Variants in LRRC4C observed in about 807,000 individuals in gnomAD.
The protein encoded by LRRC4C is leucine-rich repeat-containing protein 4C.
A neutral mutation model predicts 33.6 loss-of-function variants in LRRC4C; 5 were observed. The ratio of observed to expected loss-of-function variants is 0.15; its 90% CI spans 0.08 to 0.31. The LOEUF is 0.31. Among genes scored for constraint, LRRC4C ranks in the 10% least tolerant of loss-of-function variants. The pLI, the probability that LRRC4C is intolerant of heterozygous loss-of-function variation, is 1.00. For missense variants in LRRC4C, 560 were observed against 796.7 expected, an observed-to-expected ratio of 0.70 and a Z score of 3.58; for synonymous variants, 329 against 302.0, an observed-to-expected ratio of 1.09 and a Z score of -0.93.
intron 3 of LRRC4C, among the ~76,000 whole-genome samples, chr11:40,607,952 A>G (rs542659361): frequency 5.1e-4 from 77 of 152,226 alleles, no homozygotes; most frequent in South Asian, 5.0e-3. Flanking sequence ...TGGGGCACCA[A>G]AGAAGCAAGC....
At chr11:40,191,071 C>T (rs145523608) in intron 5 of LRRC4C, among the ~76,000 whole-genome samples, 165 of 152,158 alleles carry the variant, frequency 1.1e-3, no homozygotes, top group Non-Finnish European at 2.0e-3. Flanking sequence ...AGCATTATGC[C>T]GAGCACCTCG....
chr11:41,007,874 A>G (rs1040673770), intron 1 of LRRC4C, among the ~76,000 whole-genome samples: 4 of 152,096 alleles, frequency 2.6e-5, no homozygotes, highest in African/African-American at 9.7e-5. Flanking sequence ...CTGTCCGCCT[A>G]CTTCCCAAAG....
intron 1 of LRRC4C, among the ~76,000 whole-genome samples, chr11:41,044,143 A>G (rs1208580184): frequency 6.6e-6 from 1 of 152,112 alleles, no homozygotes; most frequent in Non-Finnish European, 1.5e-5. Context: ...GGAAAATCTG[A>G]GCTGAACATA....
intron 5 of LRRC4C, among the ~76,000 whole-genome samples, chr11:40,239,694 G>A (rs1296280984): frequency 6.6e-6 from 1 of 152,150 alleles, no homozygotes; most frequent in Non-Finnish European, 1.5e-5. Flanking sequence ...CTACCTTGCT[G>A]CTATCAGCCA....
chr11:41,444,639 C>A (rs977423813), intron 1 of LRRC4C, among the ~76,000 whole-genome samples: 5 of 152,086 alleles, frequency 3.3e-5, no homozygotes, highest in African/African-American at 1.2e-4. Context: ...AATAGTTGGT[C>A]TGCATGAACT....
chr11:40,615,906 G>A (rs142604841), intron 3 of LRRC4C, among the ~76,000 whole-genome samples: 1,529 of 151,746 alleles, frequency 0.01, 31 homozygotes, highest in African/African-American at 0.035. Context: ...ATCTGCTCAC[G>A]GTAATCTAAA....
At chr11:40,924,695 C>A (rs1957342005) in intron 2 of LRRC4C, among the ~76,000 whole-genome samples, 1 of 152,046 alleles carries the variant, frequency 6.6e-6, no homozygotes, top group Admixed American at 6.6e-5. Context: ...GAGGAATATG[C>A]TAAATACCTG....
At chr11:40,218,692 AATCT>A (rs3041085) in intron 5 of LRRC4C, among the ~76,000 whole-genome samples, 29,506 of 139,914 alleles carry the variant, frequency 0.21, 3,685 homozygotes, top group African/African-American at 0.35. Context: ...AATGATAAAG[AATCT>A]ATCTATCTAT....
chr11:40,450,927 G>A (rs993773642), intron 3 of LRRC4C, among the ~76,000 whole-genome samples: 5 of 151,768 alleles, frequency 3.3e-5, no homozygotes, highest in Non-Finnish European at 7.4e-5. Flanking sequence ...GATCAAAGAA[G>A]AAATCATGAG....
At chr11:40,663,514 G>T (rs1943556697) in intron 2 of LRRC4C, among the ~76,000 whole-genome samples, 1 of 152,314 alleles carries the variant, frequency 6.6e-6, no homozygotes, top group Middle Eastern at 3.4e-3. Context: ...ATGTCAAAAT[G>T]TTGGATATGA....
chr11:41,056,508 C>T (rs1858631258), intron 1 of LRRC4C, among the ~76,000 whole-genome samples: 1 of 152,098 alleles, frequency 6.6e-6, no homozygotes, highest in Admixed American at 6.6e-5. Flanking sequence ...TATTTGCAAA[C>T]TATGCATCTG....
chr11:40,966,878 T>G (rs1295801525), intron 1 of LRRC4C, among the ~76,000 whole-genome samples: 1 of 152,030 alleles, frequency 6.6e-6, no homozygotes, highest in African/African-American at 2.4e-5. Flanking sequence ...CTGATGAATG[T>G]GAGTCATACC....
At chr11:41,231,249 C>T (rs1399461875) in intron 1 of LRRC4C, among the ~76,000 whole-genome samples, 1 of 152,064 alleles carries the variant, frequency 6.6e-6, no homozygotes, top group Non-Finnish European at 1.5e-5. Context: ...TTTGACCCAG[C>T]CATCCCATTA....
intron 2 of LRRC4C, among the ~76,000 whole-genome samples, chr11:40,824,475 C>T (rs1022996531): frequency 2.0e-5 from 3 of 151,830 alleles, no homozygotes; most frequent in Admixed American, 1.3e-4. Context: ...GCAGAAAAGG[C>T]ATCTTACAGT....
intron 1 of LRRC4C, among the ~76,000 whole-genome samples, chr11:41,118,080 T>A (rs1443803216): frequency 2.0e-5 from 3 of 152,142 alleles, no homozygotes; most frequent in Admixed American, 6.6e-5. Flanking sequence ...AATGTATACA[T>A]TACAAATGCA....
At chr11:41,141,579 G>T (rs2135910725) in intron 1 of LRRC4C, among the ~76,000 whole-genome samples, 1 of 152,226 alleles carries the variant, frequency 6.6e-6, no homozygotes, top group Middle Eastern at 3.4e-3. Flanking sequence ...GGAGATAATT[G>T]AATCGTGGGA....
chr11:40,747,324 A>G (rs1017687555), intron 2 of LRRC4C, among the ~76,000 whole-genome samples: 1 of 152,228 alleles, frequency 6.6e-6, no homozygotes, highest in African/African-American at 2.4e-5. Flanking sequence ...TCAAATACAG[A>G]GGCTACACTA....
chr11:40,600,264 G>A (rs996088055), intron 3 of LRRC4C, among the ~76,000 whole-genome samples: 5 of 152,116 alleles, frequency 3.3e-5, no homozygotes, highest in Non-Finnish European at 7.3e-5. Flanking sequence ...TAGAACCATT[G>A]TCTTGCTTGA....
chr11:40,306,807 A>G lies in LRRC4C; in HGVS notation c.-176+12821T>C, dbSNP rs142113330. Among the ~76,000 whole-genome samples, 46 of 152,250 alleles carry G rather than the reference A, an allele frequency of 3.0e-4. No homozygotes were observed. In the East Asian group the frequency reaches 7.9e-3, roughly 26 times the overall value. ...ATATCCCCATTCATTACCCTTTATA[A>G]CATGGCCCTGAGCTTGTACTGCCAT... On this transcript the variant is annotated intron_variant, in intron 4 of 6. Transcript: ENST00000528697.
Sources: allele counts gnomAD v4.1 joint callset (sites outside exome capture counted in the v4.1 genomes callset), GRCh38; gene constraint gnomAD v4.1.1; transcripts MANE v1.5; gene names NCBI Gene and HGNC (gene_info 2026-07-23, HGNC 2026-07-21).